The following NAV2 variants were observed in gnomAD, a reference collection of about 807,000 sequenced individuals.
NAV2 encodes neuron navigator 2.
NAV2 carries 54 observed loss-of-function variants against 223.2 expected under a neutral mutation model. The observed-to-expected ratio is 0.24, with a 90% CI of 0.19 to 0.30. The LOEUF is 0.30. Among genes scored for constraint, NAV2 ranks in the 10% least tolerant of loss-of-function variants. The probability of loss-of-function intolerance (pLI) is 1.00; values close to 1 mark genes in which losing one functional copy is unlikely to be tolerated. For synonymous variants in NAV2, 1,279 were observed against 1,239.3 expected (o/e 1.03, Z -0.67); for missense variants, 2,806 against 3,147.5 (o/e 0.89, Z 2.60).
At chr11:19,944,046 A>C (rs918962689) in intron 8 of NAV2, among the ~76,000 whole-genome samples, 2 of 151,886 alleles carry the variant, frequency 1.3e-5, no homozygotes. Flanking sequence ...AAAAACAAAA[A>C]AAAATTTAGC....
chr11:19,727,109 A>C lies in NAV2; in HGVS notation c.267+13147A>C, dbSNP rs115889072. Among the ~76,000 whole-genome samples the C allele has an allele frequency of 3.2e-3, 491 of 152,278 alleles. 3 individuals are homozygous for C. Among genetic ancestry groups the C allele is most frequent in the African/African-American group, 0.011 (468 of 41,560 alleles). ...ACCTGTACACTGGGCTTTGTAGCTA[A>C]TGTTTGGTCACCATGACCAGAGACT... On this transcript the variant is annotated intron_variant, in intron 1 of 37. Transcript: ENST00000349880.
chr11:19,844,869 C>G (rs2060704082), intron 3 of NAV2, among the ~76,000 whole-genome samples: 1 of 147,478 alleles, frequency 6.8e-6, no homozygotes, highest in South Asian at 2.1e-4. Context: ...CTATAATTGT[C>G]TGTGATAATT....
chr11:19,390,720 A>G (rs1425509310), intron 1 of NAV2, among the ~76,000 whole-genome samples: 1 of 152,150 alleles, frequency 6.6e-6, no homozygotes, highest in African/African-American at 2.4e-5. Context: ...GGAAATGGTC[A>G]GGAAGGCTTC....
chr11:19,926,401 A>C (rs2044752915), intron 6 of NAV2, among the ~76,000 whole-genome samples: 2 of 152,114 alleles, frequency 1.3e-5, no homozygotes, highest in South Asian at 4.1e-4. Flanking sequence ...GATCCTCTCC[A>C]AGATGGAGTT....
At chr11:19,495,196 TTATG>T (rs1165731021) in intron 1 of NAV2, among the ~76,000 whole-genome samples, 1 of 152,202 alleles carries the variant, frequency 6.6e-6, no homozygotes, top group Non-Finnish European at 1.5e-5. Flanking sequence ...CTCTTTTCAT[TTATG>T]TATTTGTTCT....
chr11:19,442,151 G>A (rs1192934168), intron 1 of NAV2, among the ~76,000 whole-genome samples: 8 of 152,180 alleles, frequency 5.3e-5, no homozygotes, highest in Admixed American at 4.6e-4. Flanking sequence ...GTGGAGCTCC[G>A]AATGTGAGGG....
At chr11:19,389,280 T>C (rs936484156) in intron 1 of NAV2, among the ~76,000 whole-genome samples, 3 of 152,234 alleles carry the variant, frequency 2.0e-5, no homozygotes, top group Non-Finnish European at 4.4e-5. Flanking sequence ...GACAGGGCTC[T>C]AGGCCACAGG....
chr11:19,871,925 G>C, intron 4 of NAV2, among the ~76,000 whole-genome samples: 1 of 152,132 alleles, frequency 6.6e-6, no homozygotes, highest in Non-Finnish European at 1.5e-5. Flanking sequence ...TGCCTCCTTG[G>C]TGAGGGGAGG....
At chr11:20,097,863 C>A in intron 31 of NAV2, 118 bp downstream of exon 31, 1 of 840,154 alleles carries the variant, frequency 1.2e-6, no homozygotes, top group Non-Finnish European at 1.8e-6. Context: ...GGCTGCTTGT[C>A]TCCCTTCTAC....
intron 1 of NAV2, among the ~76,000 whole-genome samples, chr11:19,535,417 A>G (rs2044155900): frequency 6.6e-6 from 1 of 152,030 alleles, no homozygotes; most frequent in African/African-American, 2.4e-5. Flanking sequence ...ACCTGGGTTC[A>G]CTCACCAGCT....
chr11:19,767,572 A>G (rs4757843), intron 1 of NAV2, among the ~76,000 whole-genome samples: 22,470 of 152,260 alleles, frequency 0.15, 1,740 homozygotes, highest in Middle Eastern at 0.25. Context: ...GTATAAAGCA[A>G]TAATACCAAT....
At chr11:19,424,384 G>C (rs1850740829) in intron 1 of NAV2, among the ~76,000 whole-genome samples, 1 of 152,198 alleles carries the variant, frequency 6.6e-6, no homozygotes. Context: ...CTGAAATGCT[G>C]TCAGAGATAT....
chr11:19,725,447 C>T (rs1369758445), intron 1 of NAV2, among the ~76,000 whole-genome samples: 1 of 152,190 alleles, frequency 6.6e-6, no homozygotes, highest in Non-Finnish European at 1.5e-5. Flanking sequence ...TCATAAAACC[C>T]AGCAAAGACT....
intron 1 of NAV2, among the ~76,000 whole-genome samples, chr11:19,649,766 C>A (rs75361892): frequency 6.6e-6 from 1 of 152,044 alleles, no homozygotes; most frequent in African/African-American, 2.4e-5. Flanking sequence ...ACAATCAATG[C>A]AATTAAAAAT....
intron 1 of NAV2, among the ~76,000 whole-genome samples, chr11:19,454,670 G>A (rs974066330): frequency 2.0e-5 from 3 of 152,198 alleles, no homozygotes; most frequent in African/African-American, 7.2e-5. Flanking sequence ...GGTGGGCCAG[G>A]CTGATGATGG....
chr11:19,851,452 A>T (rs1046855163), intron 3 of NAV2, among the ~76,000 whole-genome samples: 7 of 152,152 alleles, frequency 4.6e-5, no homozygotes, highest in Non-Finnish European at 1.0e-4. Flanking sequence ...GGGCTCTGGG[A>T]TCAGGCTGAC....
chr11:19,797,543 AC>A (rs1322733984), intron 1 of NAV2, among the ~76,000 whole-genome samples: 1 of 152,038 alleles, frequency 6.6e-6, no homozygotes, highest in African/African-American at 2.4e-5. Flanking sequence ...TAATGCCTTG[AC>A]CATGATGTGG....
At chr11:19,379,350 G>A (rs887472232) in intron 1 of NAV2, among the ~76,000 whole-genome samples, 3 of 152,170 alleles carry the variant, frequency 2.0e-5, no homozygotes, top group Admixed American at 6.5e-5. Context: ...ATAAGAGCAA[G>A]GCCTATTACT....
intron 5 of NAV2, among the ~76,000 whole-genome samples, chr11:19,881,801 G>A (rs1278977891): frequency 6.6e-6 from 1 of 152,144 alleles, no homozygotes. Flanking sequence ...CAGAGGGGCT[G>A]GGTTGCTAAT....
Sources: allele counts gnomAD v4.1 joint callset (sites outside exome capture counted in the v4.1 genomes callset), GRCh38; gene constraint gnomAD v4.1.1; transcripts MANE v1.5; gene names NCBI Gene and HGNC (gene_info 2026-07-23, HGNC 2026-07-21).